Variants in EVI5 observed in about 807,000 individuals in gnomAD.
EVI5 encodes the protein ecotropic viral integration site 5 protein homolog.
A neutral mutation model predicts 112.0 loss-of-function variants in EVI5; 73 were observed. The observed-to-expected ratio is 0.65, with a 90% CI of 0.54 to 0.79. EVI5 has a LOEUF of 0.79. Among genes scored for constraint, EVI5 ranks in the 30% least tolerant of loss-of-function variants. The pLI, the probability that EVI5 is intolerant of heterozygous loss-of-function variation, is 0.00. For missense variants in EVI5, 900 were observed against 968.8 expected (o/e 0.93, Z 0.94); for synonymous variants, 305 against 319.9 (o/e 0.95, Z 0.50).
chr1:92,615,334 C>T (rs1431709913), intron 16 of EVI5, among the ~76,000 whole-genome samples: 2 of 152,276 alleles, frequency 1.3e-5, no homozygotes, highest in Non-Finnish European at 2.9e-5. Flanking sequence ...GAAGCAGATA[C>T]TACGCCTCAA....
intron 1 of EVI5, chr1:92,784,175 AAGACAGAC>A: frequency 5.1e-6 from 2 of 395,556 alleles, no homozygotes; most frequent in Non-Finnish European, 3.4e-6. Context: ...AGAAGCCCCA[AAGACAGAC>A]AGACAGACAG....
chr1:92,733,883 C>T (rs1481349630), intron 2 of EVI5, among the ~76,000 whole-genome samples: 1 of 152,184 alleles, frequency 6.6e-6, no homozygotes, highest in Non-Finnish European at 1.5e-5. Context: ...GGCTGTAGCA[C>T]TGCTCCAAGT....
intron 19 of EVI5, among the ~76,000 whole-genome samples, chr1:92,525,755 A>G (rs1661759419): frequency 6.6e-6 from 1 of 152,236 alleles, no homozygotes; most frequent in Non-Finnish European, 1.5e-5. Context: ...GGACGCTGGT[A>G]CTATTATTAT....
intron 18 of EVI5, among the ~76,000 whole-genome samples, chr1:92,597,775 G>A (rs1406074670): frequency 2.0e-5 from 3 of 152,190 alleles, no homozygotes; most frequent in Admixed American, 6.5e-5. Flanking sequence ...ATATAGCAAC[G>A]AGGCTGTGTG....
At chr1:92,644,428 G>T (rs982644521) in intron 13 of EVI5, among the ~76,000 whole-genome samples, 2 of 152,182 alleles carry the variant, frequency 1.3e-5, no homozygotes, top group Admixed American at 1.3e-4. Flanking sequence ...ACACAGATCT[G>T]TCAACTTTAC....
chr1:92,547,705 A>C (rs951843874), intron 19 of EVI5, among the ~76,000 whole-genome samples: 20 of 152,380 alleles, frequency 1.3e-4, no homozygotes, highest in Non-Finnish European at 2.4e-4. Flanking sequence ...ACCATCAGGG[A>C]ATACTATCAA....
At chr1:92,526,707 T>G (rs982380681) in intron 19 of EVI5, among the ~76,000 whole-genome samples, 17 of 151,880 alleles carry the variant, frequency 1.1e-4, no homozygotes, top group Non-Finnish European at 2.2e-4. Context: ...AGAAGAGGGA[T>G]GAACAGGTGG....
intron 19 of EVI5, among the ~76,000 whole-genome samples, chr1:92,561,992 T>C (rs980798513): frequency 3.9e-5 from 6 of 152,314 alleles, no homozygotes; most frequent in East Asian, 1.9e-4. Context: ...GTTTGTTGAC[T>C]GACTTTTACA....
intron 2 of EVI5, among the ~76,000 whole-genome samples, chr1:92,718,931 A>C (rs1351513809): frequency 2.0e-5 from 3 of 152,210 alleles, no homozygotes. Flanking sequence ...TGTGCAAATA[A>C]ACAAGAAAAA....
intron 19 of EVI5, among the ~76,000 whole-genome samples, chr1:92,549,792 C>T (rs1423586266): frequency 6.6e-6 from 1 of 152,192 alleles, no homozygotes; most frequent in Non-Finnish European, 1.5e-5. Context: ...ATCAAAATCA[C>T]AGTGAGACAC....
At chr1:92,782,040 C>T (rs1204046824) in intron 1 of EVI5, among the ~76,000 whole-genome samples, 4 of 148,158 alleles carry the variant, frequency 2.7e-5, no homozygotes, top group Non-Finnish European at 5.9e-5. Context: ...GTGGATGGAT[C>T]ATGAGGTCAA....
chr1:92,790,022 T>C (rs1685971312), upstream of EVI5, among the ~76,000 whole-genome samples: 1 of 152,078 alleles, frequency 6.6e-6, no homozygotes, highest in Non-Finnish European at 1.5e-5. Flanking sequence ...ACATTTAAAC[T>C]TAAATTAAGC....
chr1:92,682,028 T>A (rs1456451646), intron 9 of EVI5, among the ~76,000 whole-genome samples: 1 of 152,114 alleles, frequency 6.6e-6, no homozygotes, highest in East Asian at 1.9e-4. Flanking sequence ...CCCAGGCTGG[T>A]CTCAAACTCC....
At chr1:92,791,837 T>C (rs1021663205) in intron 1 of EVI5, among the ~76,000 whole-genome samples, 6 of 152,126 alleles carry the variant, frequency 3.9e-5, no homozygotes, top group Non-Finnish European at 7.3e-5. Context: ...ATGAACTGTG[T>C]TCCCAAACAC....
intron 19 of EVI5, among the ~76,000 whole-genome samples, chr1:92,524,815 G>C (rs927204301): frequency 6.6e-6 from 1 of 150,948 alleles, no homozygotes; most frequent in Non-Finnish European, 1.5e-5. Flanking sequence ...TACAGACACT[G>C]ATAGATTAAC....
intron 13 of EVI5, among the ~76,000 whole-genome samples, chr1:92,641,055 A>C (rs531705197): frequency 2.6e-5 from 4 of 152,126 alleles, no homozygotes; most frequent in Non-Finnish European, 4.4e-5. Flanking sequence ...AACAACACAC[A>C]CCAGGGCCTG....
rs1570546102 is a variant in EVI5, at chr1:92,715,972, C to T, written c.150-11228G>A. ...AAGCGGCCGGGAAGCTCAAACTTGT[C>T]GGAGCCCACCAAAGTGCTGCAAGGC... On this transcript the variant is annotated intron_variant, in intron 2 of 19. Coordinates refer to ENST00000684568, the MANE Select transcript of EVI5 (RefSeq NM_001350197.2). 2.0e-5 allele frequency among the ~76,000 whole-genome samples: 3 copies of T among 152,162 alleles called. No homozygotes were observed. In the South Asian group the frequency reaches 6.2e-4, roughly 32 times the overall value.
upstream of EVI5, among the ~76,000 whole-genome samples, chr1:92,785,598 A>C (rs1224035834): frequency 1.3e-5 from 2 of 152,220 alleles, no homozygotes; most frequent in Non-Finnish European, 2.9e-5. Flanking sequence ...GGGTTTATGC[A>C]GACTACTGCA....
intron 1 of EVI5, among the ~76,000 whole-genome samples, chr1:92,750,255 A>T (rs1021643201): frequency 6.6e-6 from 1 of 152,322 alleles, no homozygotes; most frequent in East Asian, 1.9e-4. Flanking sequence ...TTAAACAGAC[A>T]TAAACAGAAA....
Sources: gnomAD v4.1 joint callset for allele counts (sites outside exome capture counted in the v4.1 genomes callset) on GRCh38, gnomAD v4.1.1 for gene constraint, MANE v1.5 for transcripts, NCBI Gene and HGNC (gene_info 2026-07-23, HGNC 2026-07-21) for gene names.